POMGNT1: variants seen among roughly 807,000 people sequenced by gnomAD.
POMGNT1 encodes the protein protein O-linked-mannose beta-1,2-N-acetylglucosaminyltransferase 1.
POMGNT1 carries 67 observed loss-of-function variants against 95.6 expected under a neutral mutation model. That is an observed-to-expected ratio of 0.70 (90% CI 0.58 to 0.86). POMGNT1 has a LOEUF of 0.86. POMGNT1 is among the 40% of genes least tolerant of loss of function. The probability of loss-of-function intolerance (pLI) is 0.00; values close to 1 mark genes in which losing one functional copy is unlikely to be tolerated. For missense variants in POMGNT1, 719 were observed against 855.2 expected, an observed-to-expected ratio of 0.84 and a Z score of 1.99; for synonymous variants, 298 against 317.9, an observed-to-expected ratio of 0.94 and a Z score of 0.66.
intron 1 of POMGNT1, among the ~76,000 whole-genome samples, chr1:46,206,742 C>A (rs1358474461): frequency 6.6e-6 from 1 of 152,154 alleles, no homozygotes; most frequent in Admixed American, 6.5e-5. Flanking sequence ...ACCCCTGAAT[C>A]CTGGGAACCA....
At chr1:46,191,891 C>T in intron 17 of POMGNT1, 1 of 693,066 alleles carries the variant, frequency 1.4e-6, no homozygotes, top group Non-Finnish European at 2.3e-6. Context: ...GCATCGGCCT[C>T]CCAAAGTGCT....
chr1:46,190,925 A>C, intron 17 of POMGNT1, 141 bp from the exon 18 acceptor site: 1 of 794,252 alleles, frequency 1.3e-6, no homozygotes, highest in Non-Finnish European at 2.2e-6. Context: ...CGTCTTCTCC[A>C]TCCTCTTTGC....
chr1:46,197,304 C>G (rs1389762330), intron 2 of POMGNT1: 3 of 1,493,372 alleles, frequency 2.0e-6, no homozygotes, highest in Non-Finnish European at 2.7e-6. Context: ...AGGGCCCTCC[C>G]TACCCAGTGC....
intron 1 of POMGNT1, among the ~76,000 whole-genome samples, chr1:46,211,404 A>G (rs1008549012): frequency 2.7e-5 from 4 of 150,936 alleles, no homozygotes; most frequent in East Asian, 2.0e-4. Flanking sequence ...AACAATGGCT[A>G]TGGGGCTTAT....
chr1:46,197,017 C>G lies in POMGNT1; in HGVS notation c.188G>C (p.Arg63Pro), dbSNP rs141421141. 1 of 1,614,170 alleles carries G rather than the reference C, an allele frequency of 6.2e-7. No homozygotes were observed. The highest frequency in any genetic ancestry group is 1.1e-5 in the South Asian group (1 of 91,084). Residue 63 changes from arginine (R) to proline (P), a missense_variant, in exon 3 of 22, where the codon CGA (arginine) becomes CCA (proline). By Grantham distance (103) the Arg-to-Pro change is moderately radical (BLOSUM62 -2). Transcript: ENST00000371984. ...VNIKLILDTR[R>P]AISEANEDPE... ...GTCTTCATTGGCTTCACTGATGGCT[C>G]GCCGAGTGTCCAGGATCAACTTGAT...
intron 1 of POMGNT1, among the ~76,000 whole-genome samples, chr1:46,207,084 A>G (rs1476513020): frequency 6.9e-6 from 1 of 143,960 alleles, no homozygotes; most frequent in Non-Finnish European, 1.5e-5. Flanking sequence ...GAGTCCTTCT[A>G]TTTTTTTTTT....
chr1:46,206,507 G>A (rs1185122435), intron 1 of POMGNT1, among the ~76,000 whole-genome samples: 1 of 152,154 alleles, frequency 6.6e-6, no homozygotes, highest in Non-Finnish European at 1.5e-5. Flanking sequence ...CTTGGAAGGA[G>A]AATTGGGTTT....
Position 46,195,910 on chromosome 1 carries a change from T to A in POMGNT1, c.435A>T (p.Ala145=). Reference sequence around the variant, plus strand: ...GTGAGTACGTGTCAAACACACGTTTTGCCATCACGTGGCCCTGGCAGGGGA... The same window carrying A: ...GTGAGTACGTGTCAAACACACGTTTAGCCATCACGTGGCCCTGGCAGGGGA... ...VLNQATGHVM[A]KRVFDTYSPH... Residue 145 remains alanine, a synonymous_variant, in exon 6 of 22, where the codon GCA becomes GCT. Coordinates refer to ENST00000371984, the MANE Select transcript of POMGNT1 (RefSeq NM_017739.4). 1.2e-6 allele frequency: 2 copies of A among 1,614,126 alleles called. No homozygotes were observed. The highest frequency in any genetic ancestry group is 1.1e-5 in the South Asian group (1 of 91,066).
At chr1:46,214,603 C>T (rs952760108) in intron 1 of POMGNT1, among the ~76,000 whole-genome samples, 2 of 152,036 alleles carry the variant, frequency 1.3e-5, no homozygotes, top group African/African-American at 4.8e-5. Flanking sequence ...TGTGGTGGCT[C>T]ATGCCTGTAA....
upstream of POMGNT1, among the ~76,000 whole-genome samples, chr1:46,200,053 G>A (rs1286521632): frequency 2.0e-5 from 3 of 152,112 alleles, no homozygotes; most frequent in Admixed American, 1.3e-4. Flanking sequence ...GCCTATAATC[G>A]TAGCTACTCA....
Position 46,212,987 on chromosome 1 carries a change from A to G in POMGNT1, c.-51+6718T>C, listed in dbSNP as rs111621232. Among the ~76,000 whole-genome samples the G allele has an allele frequency of 8.2e-3, 1,251 of 152,068 alleles. 19 individuals carry two copies. Among genetic ancestry groups the G allele is most frequent in the Middle Eastern group, 0.038 (11 of 292 alleles). ...CACCGTGTTAGCCAGGATGGTCTCG[A>G]TCTCCTGACCTCTAGTGATCTGTCC... On this transcript the variant is annotated intron_variant, in intron 1 of 22. Transcript: ENST00000371992.
chr1:46,200,190 T>G (rs1658496135), upstream of POMGNT1, among the ~76,000 whole-genome samples: 1 of 152,018 alleles, frequency 6.6e-6, no homozygotes, highest in African/African-American at 2.4e-5. Context: ...TAAAAATAAA[T>G]AATTAAAAGA....
chr1:46,215,225 CAAAA>C (rs35554687), intron 1 of POMGNT1, among the ~76,000 whole-genome samples: 1 of 75,578 alleles, frequency 1.3e-5, no homozygotes, highest in Non-Finnish European at 2.7e-5. Context: ...AACTCTGTCT[CAAAA>C]AAAAAAAAAA....
At chr1:46,190,896 G>A (rs777455379) in intron 17 of POMGNT1, 112 bp from the exon 18 acceptor site, 2 of 1,015,816 alleles carry the variant, frequency 2.0e-6, no homozygotes, top group Non-Finnish European at 3.1e-6. Context: ...GACCTGTAAA[G>A]AGCCCTCTAA....
intron 1 of POMGNT1, among the ~76,000 whole-genome samples, chr1:46,207,653 C>G (rs1216769756): frequency 6.6e-6 from 1 of 151,938 alleles, no homozygotes; most frequent in Non-Finnish European, 1.5e-5. Flanking sequence ...ATTCTCCTGC[C>G]TCAGCCTCCC....
intron 1 of POMGNT1, among the ~76,000 whole-genome samples, chr1:46,206,879 G>C (rs947910941): frequency 6.6e-6 from 1 of 152,176 alleles, no homozygotes; most frequent in Admixed American, 6.5e-5. Flanking sequence ...GTCTGGTTAG[G>C]GAAGGAGGAG....
At chr1:46,193,972 C>G in intron 9 of POMGNT1, 47 bp from the exon 10 acceptor site, 3 of 1,608,942 alleles carry the variant, frequency 1.9e-6, no homozygotes, top group Non-Finnish European at 2.5e-6. Context: ...CCCCTTCAAA[C>G]TGGGATCCCC....
At chr1:46,203,383 T>A, upstream of POMGNT1, 1 of 1,428,860 alleles carries the variant, frequency 7.0e-7, no homozygotes, top group Non-Finnish European at 9.2e-7. Flanking sequence ...CGGGAGCCGG[T>A]CCCCGGCGTC....
intron 1 of POMGNT1, among the ~76,000 whole-genome samples, chr1:46,205,021 G>A (rs1658666990): frequency 1.3e-5 from 2 of 152,180 alleles, no homozygotes; most frequent in Admixed American, 1.3e-4. Flanking sequence ...ACTTTGGGAG[G>A]CCGAGGCAGG....
Sources: gnomAD v4.1 joint callset for allele counts (sites outside exome capture counted in the v4.1 genomes callset) on GRCh38, gnomAD v4.1.1 for gene constraint, MANE v1.5 for transcripts, NCBI Gene and HGNC (gene_info 2026-07-23, HGNC 2026-07-21) for gene names.